PRKCE: variants seen among roughly 807,000 people sequenced by gnomAD.
The protein encoded by PRKCE is protein kinase C epsilon type.
Under a neutral mutation model 85.4 loss-of-function variants are expected in PRKCE, and 16 were observed. That is an observed-to-expected ratio of 0.19 (90% CI 0.13 to 0.28). The LOEUF (loss-of-function observed/expected upper bound fraction) is 0.28, where lower values mean the gene tolerates loss of function less well. Among genes scored for constraint, PRKCE ranks in the 10% least tolerant of loss-of-function variants. The pLI, the probability that PRKCE is intolerant of heterozygous loss-of-function variation, is 1.00. For missense variants in PRKCE, 573 were observed against 975.2 expected (o/e 0.59, Z 5.49); for synonymous variants, 388 against 371.5 (o/e 1.04, Z -0.51).
chr2:45,875,596 T>TTTG lies in PRKCE; in HGVS notation c.412+32548_412+32550dup, dbSNP rs1253545067. On this transcript the variant is annotated intron_variant, in intron 2 of 14. Transcript: ENST00000306156. ...CTTGTATAGAAGAGGGATTGAGTTT[T>TTTG]TTGTTGTTGTTGTTGTTCTGCCTTG... Among the ~76,000 whole-genome samples the TTTG allele has an allele frequency of 3.3e-5, 5 of 152,262 alleles. No homozygotes were observed. The South Asian group carries it at 8.3e-4, about 25-fold the overall frequency.
chr2:45,771,700 GGCGTGTGTGTGTGTGT>G (rs1216870724), intron 1 of PRKCE, among the ~76,000 whole-genome samples: 32 of 94,590 alleles, frequency 3.4e-4, no homozygotes, highest in African/African-American at 9.9e-4. Context: ...TACAGAGTGG[GGCGTGTGTGTGTGTGT>G]GTGTGTGTGT....
chr2:46,097,453 G>A (rs566345227), intron 11 of PRKCE, among the ~76,000 whole-genome samples: 22 of 150,876 alleles, frequency 1.5e-4, no homozygotes, highest in African/African-American at 5.1e-4. Context: ...CTGGGAGGCG[G>A]AGCTTGCAGT....
chr2:45,803,119 A>G (rs1687995670), intron 1 of PRKCE, among the ~76,000 whole-genome samples: 1 of 152,230 alleles, frequency 6.6e-6, no homozygotes, highest in African/African-American at 2.4e-5. Flanking sequence ...GAGAAATTCA[A>G]AATTTAACAT....
chr2:45,954,757 G>C (rs1700857897), intron 2 of PRKCE, among the ~76,000 whole-genome samples: 2 of 152,174 alleles, frequency 1.3e-5, no homozygotes, highest in African/African-American at 4.8e-5. Context: ...TGCTCTTGTA[G>C]GCCCTTTAGG....
intron 2 of PRKCE, among the ~76,000 whole-genome samples, chr2:45,974,928 G>T (rs1702345274): frequency 6.6e-6 from 1 of 152,194 alleles, no homozygotes; most frequent in Admixed American, 6.5e-5. Flanking sequence ...CCTGCCCACT[G>T]TGTTCTTGGG....
At chr2:45,890,610 G>T (rs894541026) in intron 2 of PRKCE, among the ~76,000 whole-genome samples, 1 of 152,080 alleles carries the variant, frequency 6.6e-6, no homozygotes, top group Admixed American at 6.5e-5. Flanking sequence ...CGAACTCCTG[G>T]CCTCAAGTGA....
intron 1 of PRKCE, among the ~76,000 whole-genome samples, chr2:45,758,672 T>G (rs1684202732): frequency 6.6e-6 from 1 of 152,230 alleles, no homozygotes; most frequent in African/African-American, 2.4e-5. Flanking sequence ...ATTTGCTTAT[T>G]TTTCCTTCCT....
intron 11 of PRKCE, among the ~76,000 whole-genome samples, chr2:46,140,037 C>T (rs923960426): frequency 6.6e-6 from 1 of 151,926 alleles, no homozygotes; most frequent in Non-Finnish European, 1.5e-5. Context: ...TAAAATGCTC[C>T]TAAGGGACAC....
At chr2:45,984,030 C>T (rs970034569) in intron 5 of PRKCE, among the ~76,000 whole-genome samples, 25 of 151,476 alleles carry the variant, frequency 1.7e-4, no homozygotes, top group African/African-American at 2.4e-4. Context: ...CTCTGCCTCC[C>T]GGATTCAAGC....
At chr2:46,133,418 C>T (rs1056821557) in intron 11 of PRKCE, among the ~76,000 whole-genome samples, 6 of 152,178 alleles carry the variant, frequency 3.9e-5, no homozygotes, top group African/African-American at 1.4e-4. Flanking sequence ...TCCTTCTAGA[C>T]CCTAGACCTC....
At chr2:45,787,354 C>G (rs1686689258) in intron 1 of PRKCE, among the ~76,000 whole-genome samples, 1 of 151,162 alleles carries the variant, frequency 6.6e-6, no homozygotes, top group Non-Finnish European at 1.5e-5. Context: ...GAGACAGAGA[C>G]AGAGAGAGAG....
rs1697060717 is a variant in PRKCE at position 45,907,420 on chromosome 2, AGCTGTT to A, written c.412+64359_412+64364del. On this transcript the variant is annotated intron_variant, in intron 2 of 14. Transcript: ENST00000306156. The surrounding 1 kb of genome is among the most constrained non-coding windows in gnomAD (Gnocchi z 4.5). ...GAGTCCTGCATTGCATTTGCTGAATAGCTGTTGGGGTAACACTCCTGTGAACAAAAC... is the reference window on the plus strand; with the variant it reads ...GAGTCCTGCATTGCATTTGCTGAATAGGGGTAACACTCCTGTGAACAAAAC... Among the ~76,000 whole-genome samples, 1 of 152,236 alleles carries A rather than the reference AGCTGTT, an allele frequency of 6.6e-6. No homozygotes were observed. The highest frequency in any genetic ancestry group is 2.4e-5 in the African/African-American group (1 of 41,446).
At chr2:46,097,573 G>T (rs2104026529) in intron 11 of PRKCE, among the ~76,000 whole-genome samples, 1 of 149,420 alleles carries the variant, frequency 6.7e-6, no homozygotes, top group Non-Finnish European at 1.5e-5. Flanking sequence ...TGACTTCCCT[G>T]TTGGGCTCCC....
At chr2:45,845,771 T>C (rs1558743748) in intron 2 of PRKCE, 1 of 152,214 alleles carries the variant, frequency 6.6e-6, no homozygotes, top group Non-Finnish European at 1.5e-5. Flanking sequence ...TCCTGTGCAG[T>C]TCACTATAGT....
chr2:45,929,993 A>C (rs1396667379), intron 2 of PRKCE, among the ~76,000 whole-genome samples: 1 of 152,258 alleles, frequency 6.6e-6, no homozygotes, highest in Non-Finnish European at 1.5e-5. Flanking sequence ...TAAATGAATC[A>C]TTCAATGAAT....
chr2:45,931,849 G>A (rs1699070113), intron 2 of PRKCE, among the ~76,000 whole-genome samples: 1 of 152,058 alleles, frequency 6.6e-6, no homozygotes, highest in Non-Finnish European at 1.5e-5. Context: ...TGGGACTACA[G>A]GCACCTGCTG....
At chr2:45,761,257 G>A (rs1044526051) in intron 1 of PRKCE, among the ~76,000 whole-genome samples, 2 of 137,418 alleles carry the variant, frequency 1.5e-5, no homozygotes, top group South Asian at 4.6e-4. Context: ...AACCCGGGAG[G>A]CAGAGCTTGC....
rs1676586131 is a variant in PRKCE, at chr2:46,151,217, C to T, written c.1908C>T (p.Ser636=). The T allele has an allele frequency of 4.4e-6, 7 of 1,582,546 alleles. No homozygotes were observed. In the Admixed American group the frequency reaches 1.2e-4, roughly 27 times the overall value. The part of the protein sequence containing the change: ...YPVWLSKEAV[S]ILKAFMTKNP... ...TCTGGCTCAGCAAGGAGGCTGTCAG[C>T]ATCTTGAAAGCTGTGAGTCACTGCC... Residue 636 remains serine, a synonymous_variant, in exon 13 of 15, where the codon AGC becomes AGT. Coordinates refer to ENST00000306156, the MANE Select transcript of PRKCE (RefSeq NM_005400.3).
In PRKCE at chr2:45,851,039, G is replaced by A. The variant is rs1456959417; in HGVS notation, c.412+7976G>A. Reference sequence around the variant, plus strand: ...GTAGCTACTGGTAGGGCAGGGTGCTGTGGGACCACCAAGGAGCCTCCCTTC... The same window carrying A: ...GTAGCTACTGGTAGGGCAGGGTGCTATGGGACCACCAAGGAGCCTCCCTTC... On this transcript the variant is annotated intron_variant, in intron 2 of 14. Coordinates refer to ENST00000306156, the MANE Select transcript of PRKCE (RefSeq NM_005400.3). Among the ~76,000 whole-genome samples, 4 of 152,338 alleles carry A rather than the reference G, an allele frequency of 2.6e-5. No individual in the cohort carries two copies. The South Asian group carries it at 8.3e-4, about 32-fold the overall frequency.
Sources: gnomAD v4.1 joint callset for allele counts (sites outside exome capture counted in the v4.1 genomes callset) on GRCh38, gnomAD v4.1.1 for gene constraint, Gnocchi (gnomAD v3.1) non-coding constraint, MANE v1.5 for transcripts, NCBI Gene and HGNC (gene_info 2026-07-23, HGNC 2026-07-21) for gene names.